The following TEAD1 variants were observed in gnomAD, a reference collection of about 807,000 sequenced individuals.
The protein encoded by TEAD1 is transcriptional enhancer factor TEF-1.
TEAD1 carries 9 observed loss-of-function variants against 54.9 expected under a neutral mutation model. The ratio of observed to expected loss-of-function variants is 0.16; its 90% CI spans 0.10 to 0.29. The LOEUF (loss-of-function observed/expected upper bound fraction) is 0.29. Ranked by LOEUF, TEAD1 falls within the 10% of genes least tolerant of loss-of-function variation. The pLI, the probability that TEAD1 is intolerant of heterozygous loss-of-function variation, is 1.00. For synonymous variants in TEAD1, 200 were observed against 187.8 expected, an observed-to-expected ratio of 1.07 and a Z score of -0.53; for missense variants, 387 against 535.9, an observed-to-expected ratio of 0.72 and a Z score of 2.74.
intron 5 of TEAD1, among the ~76,000 whole-genome samples, chr11:12,867,082 A>T (rs780265022): frequency 3.3e-5 from 5 of 152,204 alleles, no homozygotes; most frequent in East Asian, 1.9e-4. Context: ...TTGGGGCATG[A>T]TACTGAGGAA....
At chr11:12,734,259 T>A (rs1564922076) in intron 2 of TEAD1, among the ~76,000 whole-genome samples, 1 of 152,090 alleles carries the variant, frequency 6.6e-6, no homozygotes, top group Non-Finnish European at 1.5e-5. Context: ...AGAAAAAAAA[T>A]TTTAAGTAGA....
chr11:12,711,786 G>A (rs1257586015), intron 2 of TEAD1, among the ~76,000 whole-genome samples: 3 of 152,206 alleles, frequency 2.0e-5, no homozygotes, highest in Non-Finnish European at 4.4e-5. Flanking sequence ...AAGATAGCAA[G>A]GTAACAAGTT....
intron 4 of TEAD1, among the ~76,000 whole-genome samples, chr11:12,863,052 A>T (rs967819518): frequency 1.3e-5 from 2 of 152,314 alleles, no homozygotes; most frequent in Admixed American, 6.5e-5. Flanking sequence ...TAAAAACCTC[A>T]TGGGTGAGTT....
chr11:12,886,344 A>G (rs1383896020), intron 9 of TEAD1, among the ~76,000 whole-genome samples: 2 of 152,230 alleles, frequency 1.3e-5, no homozygotes, highest in Non-Finnish European at 1.5e-5. Context: ...ACTCCACCAC[A>G]TGACTTAAAA....
chr11:12,722,488 T>G (rs1055942857), intron 2 of TEAD1, among the ~76,000 whole-genome samples: 4 of 152,118 alleles, frequency 2.6e-5, no homozygotes, highest in East Asian at 3.9e-4. Flanking sequence ...TGCTGAGAGA[T>G]ATGGTTGGAA....
intron 3 of TEAD1, among the ~76,000 whole-genome samples, chr11:12,860,225 G>A (rs1589933502): frequency 6.6e-6 from 1 of 152,302 alleles, no homozygotes; most frequent in Admixed American, 6.5e-5. Context: ...AGGATCTGGG[G>A]ATGAAAGTTA....
At chr11:12,717,821 C>T (rs766254199) in intron 2 of TEAD1, among the ~76,000 whole-genome samples, 1 of 152,188 alleles carries the variant, frequency 6.6e-6, no homozygotes, top group Non-Finnish European at 1.5e-5. Flanking sequence ...CTCAGACTGC[C>T]TGGCTCCTGG....
intron 3 of TEAD1, among the ~76,000 whole-genome samples, chr11:12,842,770 TGAAG>T (rs905405101): frequency 7.0e-4 from 107 of 152,268 alleles, no homozygotes; most frequent in African/African-American, 2.4e-3. Flanking sequence ...GGATTTCAAA[TGAAG>T]GAAGAAGGAA....
At chr11:12,757,184 C>T (rs1300396287) in intron 2 of TEAD1, among the ~76,000 whole-genome samples, 4 of 152,212 alleles carry the variant, frequency 2.6e-5, no homozygotes, top group African/African-American at 7.2e-5. Context: ...CCCGTTGCCA[C>T]TGTCTGTATG....
chr11:12,858,066 C>G (rs1300935523), intron 3 of TEAD1, among the ~76,000 whole-genome samples: 1 of 152,106 alleles, frequency 6.6e-6, no homozygotes, highest in Non-Finnish European at 1.5e-5. Flanking sequence ...GATCGTGCCA[C>G]TGCACTCCAG....
At chr11:12,909,727 C>T (rs1376654496) in intron 10 of TEAD1, among the ~76,000 whole-genome samples, 2 of 152,176 alleles carry the variant, frequency 1.3e-5, no homozygotes, top group Admixed American at 1.3e-4. Flanking sequence ...TGACCCTGGC[C>T]AGCATAGAAG....
At chr11:12,802,638 G>C (rs1345180870) in intron 3 of TEAD1, among the ~76,000 whole-genome samples, 1 of 152,088 alleles carries the variant, frequency 6.6e-6, no homozygotes, top group Non-Finnish European at 1.5e-5. Flanking sequence ...CTGGTGGCCA[G>C]GTGTTATGAA....
intron 3 of TEAD1, among the ~76,000 whole-genome samples, chr11:12,847,801 C>T (rs771505015): frequency 3.9e-5 from 6 of 152,146 alleles, no homozygotes; most frequent in African/African-American, 7.2e-5. Context: ...GGATTATAGG[C>T]GTCAGCCACT....
rs565899085 is a variant in TEAD1, at chr11:12,764,091, G to C, written c.-54-88G>C. 94 of 799,882 alleles carry C rather than the reference G, an allele frequency of 1.2e-4. No homozygotes were observed. The African/African-American group carries it at 1.5e-3, about 12-fold the overall frequency. 49.5% of individuals were successfully genotyped at this position (799,882 alleles called of 1,614,324 possible). A position where few individuals can be genotyped will look rare whatever the true frequency, so the allele number is the denominator to read the frequency against. The stretch of plus-strand genomic sequence containing the variant: ...ATAATAAAATGAAATGAAAAAAGCT[G>C]GTGACTGAAGAACTTGCACTAGAGC... On this transcript the variant is annotated intron_variant, in intron 2 of 12. Coordinates refer to ENST00000527636, the MANE Select transcript of TEAD1 (RefSeq NM_021961.6).
intron 2 of TEAD1, among the ~76,000 whole-genome samples, chr11:12,686,017 T>C (rs1427774967): frequency 6.6e-6 from 1 of 152,228 alleles, no homozygotes; most frequent in African/African-American, 2.4e-5. Context: ...TCCTGGTTAC[T>C]GTTTGTGGCA....
At chr11:12,905,178 G>A (rs1052641167) in intron 10 of TEAD1, among the ~76,000 whole-genome samples, 2 of 152,160 alleles carry the variant, frequency 1.3e-5, no homozygotes, top group African/African-American at 2.4e-5. Flanking sequence ...AGCATAGAGT[G>A]CGCTTAGAAA....
At chr11:12,819,278 ATTT>A (rs72319822) in intron 3 of TEAD1, among the ~76,000 whole-genome samples, 1,041 of 146,670 alleles carry the variant, frequency 7.1e-3, no homozygotes, top group Middle Eastern at 0.011. Context: ...TGCAGAGGTG[ATTT>A]TTTTTTTTTT....
chr11:12,857,913 T>C (rs1268195096), intron 3 of TEAD1, among the ~76,000 whole-genome samples: 2 of 152,140 alleles, frequency 1.3e-5, no homozygotes, highest in Non-Finnish European at 2.9e-5. Context: ...GATGAAATCC[T>C]GTCTTTACAA....
chr11:12,918,952 A>ATG (rs1404245267), intron 10 of TEAD1, among the ~76,000 whole-genome samples: 7 of 152,212 alleles, frequency 4.6e-5, no homozygotes, highest in African/African-American at 1.7e-4. Flanking sequence ...TTTCAGGATC[A>ATG]TGGTTACGCT....
Sources: gnomAD v4.1 joint callset for allele counts (sites outside exome capture counted in the v4.1 genomes callset) on GRCh38, gnomAD v4.1.1 for gene constraint, MANE v1.5 for transcripts, NCBI Gene and HGNC (gene_info 2026-07-23, HGNC 2026-07-21) for gene names.